The following KCNH5 variants were observed in gnomAD, a reference collection of about 807,000 sequenced individuals.
KCNH5 encodes the protein potassium voltage-gated channel subfamily H member 5, also known as voltage-gated delayed rectifier potassium channel KCNH5.
In KCNH5, 46 loss-of-function variants were observed where a neutral mutation model predicts 96.1. That is an observed-to-expected ratio of 0.48 (90% CI 0.38 to 0.61). The LOEUF (loss-of-function observed/expected upper bound fraction) is 0.61. Ranked by LOEUF, KCNH5 falls within the 20% of genes least tolerant of loss-of-function variation. The pLI, the probability that KCNH5 is intolerant of heterozygous loss-of-function variation, is 0.00. For missense variants in KCNH5, 907 were observed against 1,225.8 expected (o/e 0.74, Z 3.88); for synonymous variants, 439 against 449.8 (o/e 0.98, Z 0.30).
At chr14:62,949,414 G>T (rs567123536) in intron 7 of KCNH5, among the ~76,000 whole-genome samples, 15 of 152,306 alleles carry the variant, frequency 9.8e-5, no homozygotes, top group African/African-American at 3.1e-4. Flanking sequence ...TCTCCCTCAA[G>T]ATCTTCAAAA....
intron 7 of KCNH5, among the ~76,000 whole-genome samples, chr14:62,945,500 C>A (rs994406632): frequency 2.0e-5 from 3 of 152,058 alleles, no homozygotes; most frequent in South Asian, 2.1e-4. Flanking sequence ...AGATTGAGCA[C>A]AAAACTCTTA....
chr14:62,872,648 A>G (rs8019165), intron 7 of KCNH5, among the ~76,000 whole-genome samples: 43,650 of 152,058 alleles, frequency 0.29, 7,237 homozygotes, highest in African/African-American at 0.45. Flanking sequence ...AGCAGATACC[A>G]TGCCACTGCA....
intron 7 of KCNH5, among the ~76,000 whole-genome samples, chr14:62,905,441 G>A (rs1291991694): frequency 6.6e-6 from 1 of 152,062 alleles, no homozygotes; most frequent in Non-Finnish European, 1.5e-5. Context: ...GTTTGGATTT[G>A]TTCTTATTTT....
chr14:63,010,808 T>C (rs1390907924), intron 2 of KCNH5, among the ~76,000 whole-genome samples: 2 of 152,212 alleles, frequency 1.3e-5, no homozygotes, highest in African/African-American at 4.8e-5. Context: ...AGAATGGCTA[T>C]AACGATTGAC....
intron 7 of KCNH5, among the ~76,000 whole-genome samples, chr14:62,935,484 G>A (rs1487926761): frequency 6.6e-6 from 1 of 152,134 alleles, no homozygotes; most frequent in East Asian, 1.9e-4. Context: ...ACAGACTGGA[G>A]GAAAAAGGTC....
chr14:62,756,576 A>G (rs1279224018), intron 10 of KCNH5, among the ~76,000 whole-genome samples: 1 of 152,212 alleles, frequency 6.6e-6, no homozygotes, highest in Non-Finnish European at 1.5e-5. Flanking sequence ...TAACTAAAAC[A>G]GCATGGTACT....
intron 7 of KCNH5, among the ~76,000 whole-genome samples, chr14:62,900,991 G>C (rs1255867769): frequency 6.6e-6 from 1 of 151,862 alleles, no homozygotes; most frequent in African/African-American, 2.4e-5. Flanking sequence ...TTTTTGTTTT[G>C]TTTTGTTTTG....
intron 10 of KCNH5, among the ~76,000 whole-genome samples, chr14:62,779,148 T>C (rs893943028): frequency 2.6e-5 from 4 of 152,214 alleles, no homozygotes; most frequent in African/African-American, 7.2e-5. Flanking sequence ...CAAATTAAAT[T>C]TGTGTCACAC....
At chr14:62,793,918 T>A (rs1029532116) in intron 9 of KCNH5, among the ~76,000 whole-genome samples, 1 of 151,962 alleles carries the variant, frequency 6.6e-6, no homozygotes, top group Admixed American at 6.6e-5. Flanking sequence ...AGGAAAGACC[T>A]CACAAAGAAA....
chr14:62,717,046 T>C (rs777672165), intron 10 of KCNH5, among the ~76,000 whole-genome samples: 37 of 152,158 alleles, frequency 2.4e-4, no homozygotes, highest in East Asian at 1.9e-4. Context: ...TTATTGACAA[T>C]AGCTTCAAGG....
intron 10 of KCNH5, among the ~76,000 whole-genome samples, chr14:62,751,077 T>A (rs1393243639): frequency 6.6e-6 from 1 of 152,044 alleles, no homozygotes; most frequent in African/African-American, 2.4e-5. Flanking sequence ...ATACTTTAAG[T>A]GTTATATAAG....
At chr14:62,829,781 T>C (rs888002467) in intron 8 of KCNH5, among the ~76,000 whole-genome samples, 8 of 152,212 alleles carry the variant, frequency 5.3e-5, no homozygotes, top group African/African-American at 1.7e-4. Flanking sequence ...CGGTTTCTCT[T>C]TACTTATGCA....
chr14:62,760,251 A>G (rs187180478), intron 10 of KCNH5, among the ~76,000 whole-genome samples: 21 of 151,524 alleles, frequency 1.4e-4, no homozygotes, highest in Non-Finnish European at 7.4e-5. Flanking sequence ...GAATGAGTAC[A>G]TAACTTCCTA....
In KCNH5 at chr14:62,874,879, T is replaced by C. The variant is rs11629251; in HGVS notation, c.1370-25027A>G. On this transcript the variant is annotated intron_variant, in intron 7 of 10. Transcript: ENST00000322893. ...GAGAAGGAAATAAAGGGTATTCAAT[T>C]AGGAAAAGAGGAAGTCAAATTGTCC... 7.1e-3 allele frequency among the ~76,000 whole-genome samples: 992 copies of C among 139,930 alleles called. 8 individuals carry two copies. Among genetic ancestry groups the C allele is most frequent in the Non-Finnish European group, 0.011 (741 of 64,870 alleles). The allele number at this position is 139,930 out of a possible 152,430, so 91.8% of individuals were successfully genotyped here. A position where few individuals can be genotyped will look rare whatever the true frequency, so the allele number is the denominator to read the frequency against.
chr14:62,981,766 G>A (rs759478378), intron 5 of KCNH5, among the ~76,000 whole-genome samples: 1 of 152,164 alleles, frequency 6.6e-6, no homozygotes, highest in South Asian at 2.1e-4. Flanking sequence ...CAGTGTAAAG[G>A]GTTGTAAAGG....
intron 10 of KCNH5, among the ~76,000 whole-genome samples, chr14:62,709,982 G>A (rs542879481): frequency 8.5e-5 from 13 of 152,276 alleles, no homozygotes; most frequent in East Asian, 5.8e-4. Context: ...TGTGAAGCAC[G>A]TGTTCTCTAA....
At chr14:62,732,677 G>A (rs1885075527) in intron 10 of KCNH5, among the ~76,000 whole-genome samples, 1 of 152,058 alleles carries the variant, frequency 6.6e-6, no homozygotes, top group African/African-American at 2.4e-5. Context: ...TATTTTGATG[G>A]GCTTACTTAT....
intron 8 of KCNH5, among the ~76,000 whole-genome samples, chr14:62,837,097 A>C (rs1465734874): frequency 6.6e-6 from 1 of 152,182 alleles, no homozygotes; most frequent in African/African-American, 2.4e-5. Flanking sequence ...AGAGATGGGC[A>C]CAGTCCCTAA....
At chr14:62,727,346 C>G (rs552499949) in intron 10 of KCNH5, among the ~76,000 whole-genome samples, 19 of 151,844 alleles carry the variant, frequency 1.3e-4, no homozygotes, top group African/African-American at 4.3e-4. Context: ...GCATGGGCAA[C>G]AGAGTGAGAC....
Sources: allele counts gnomAD v4.1 joint callset (sites outside exome capture counted in the v4.1 genomes callset), GRCh38; gene constraint gnomAD v4.1.1; transcripts MANE v1.5; gene names NCBI Gene and HGNC (gene_info 2026-07-23, HGNC 2026-07-21).